PMPCA: variants seen among roughly 807,000 people sequenced by gnomAD.
The protein encoded by PMPCA is mitochondrial-processing peptidase subunit alpha.
PMPCA carries 47 observed loss-of-function variants against 59.3 expected under a neutral mutation model. The ratio of observed to expected loss-of-function variants is 0.79; its 90% CI spans 0.63 to 1.01. The LOEUF (loss-of-function observed/expected upper bound fraction) is 1.01. Ranked by LOEUF, PMPCA falls within the 50% of genes least tolerant of loss-of-function variation. The pLI is 0.00. For synonymous variants in PMPCA, 338 were observed against 290.3 expected (o/e 1.16, Z -1.67); for missense variants, 726 against 704.5 (o/e 1.03, Z -0.34).
In PMPCA at chr9:136,423,182, A is replaced by G; in HGVS notation, c.1496A>G (p.Asp499Gly). The G allele has an allele frequency of 1.2e-6, 2 of 1,613,818 alleles. No homozygotes were observed. Among genetic ancestry groups the G allele is most frequent in the Non-Finnish European group, 1.7e-6 (2 of 1,180,040 alleles). Residue 499 changes from aspartate to glycine, a missense_variant, in exon 13 of 13, where the codon GAC becomes GGC. Physicochemically the swap from Asp to Gly is moderately conservative, Grantham distance 94 (BLOSUM62 -1). Coordinates refer to ENST00000371717, the MANE Select transcript of PMPCA (RefSeq NM_015160.3). ...PAVAALGDLT[D>G]LPTYEHIQTA... ...GTGGCCGCCCTGGGTGACCTGACTG[A>G]CCTGCCCACGTATGAGCACATCCAG...
chr9:136,415,952 A>C (rs968090257), intron 5 of PMPCA: 24 of 329,264 alleles, frequency 7.3e-5, no homozygotes, highest in African/African-American at 1.1e-4. Flanking sequence ...GTTTCTAAGC[A>C]CCTTCATGTC....
At chr9:136,412,289 A>G in intron 2 of PMPCA, 90 bp downstream of exon 2, 1 of 1,007,328 alleles carries the variant, frequency 9.9e-7, no homozygotes, top group East Asian at 2.4e-5. Flanking sequence ...CATGCCAATT[A>G]TGAATTGTAC....
At chr9:136,420,759 A>G (rs1318129880) in intron 11 of PMPCA, 1 of 152,240 alleles carries the variant, frequency 6.6e-6, no homozygotes, top group African/African-American at 2.4e-5. Flanking sequence ...GTATTTGCCT[A>G]AAGTTGCAAA....
At chr9:136,412,698 T>G (rs992408603) in intron 3 of PMPCA, 112 bp from the exon 4 acceptor site, 4 of 820,028 alleles carry the variant, frequency 4.9e-6, no homozygotes, top group Non-Finnish European at 8.2e-6. Flanking sequence ...ACTTTTAAGT[T>G]AAAAGATAAT....
chr9:136,419,258 C>T (rs1234896691), intron 11 of PMPCA, 152 bp downstream of exon 11: 3 of 761,082 alleles, frequency 3.9e-6, no homozygotes, highest in Non-Finnish European at 7.1e-6. Flanking sequence ...CAAGGAGGCA[C>T]AGCCTGGGGC....
At position 136,417,965 on chromosome 9, in the gene PMPCA, G is replaced by C. The variant is rs527870788; in HGVS notation, c.898-52G>C. On this transcript the variant is annotated intron_variant, in intron 7 of 12. Coordinates refer to ENST00000371717, the MANE Select transcript of PMPCA (RefSeq NM_015160.3). Reference sequence around the variant, plus strand: ...GAAGATGATCTCATCTGGGGTTTGCGAGCCCTCATTGTTTTTCACATGGCG... The same window carrying C: ...GAAGATGATCTCATCTGGGGTTTGCCAGCCCTCATTGTTTTTCACATGGCG... The C allele has an allele frequency of 2.3e-6, 3 of 1,287,132 alleles. No individual in the cohort carries two copies. In the African/African-American group the frequency reaches 4.4e-5, roughly 19 times the overall value. The allele number at this position is 1,287,132 out of a possible 1,614,324, so 79.7% of individuals were successfully genotyped here.
intron 1 of PMPCA, chr9:136,411,114 T>C (rs1835094384): frequency 4.5e-6 from 1 of 221,940 alleles, no homozygotes; most frequent in Non-Finnish European, 8.8e-6. Context: ...GGGTCCAGGC[T>C]CTCGGTTGCT....
chr9:136,416,250 G>A (rs778279716), intron 5 of PMPCA, 41 bp from the exon 6 acceptor site: 7 of 1,421,340 alleles, frequency 4.9e-6, no homozygotes, highest in African/African-American at 1.4e-5. Context: ...CCTCATCTCT[G>A]CCTGTGCAGA....
At position 136,421,937 on chromosome 9, in the gene PMPCA, C is replaced by A; in HGVS notation, c.1369C>A (p.Arg457Ser). 6.2e-7 allele frequency: 1 copy of A among 1,612,886 alleles called. No individual in the cohort carries two copies. The highest frequency in any genetic ancestry group is 2.2e-5 in the East Asian group (1 of 44,874). Reference sequence around the variant, plus strand: ...TGTGGGGAGGCAGGTGCTGGCCACTCGCTCCAGAAAGCTGCCGCACGAGCT... The same window carrying A: ...TGTGGGGAGGCAGGTGCTGGCCACTAGCTCCAGAAAGCTGCCGCACGAGCT... ...EDVGRQVLATRSRKLPHELCT... is the reference protein window; with the variant it reads ...EDVGRQVLATSSRKLPHELCT... Residue 457 changes from arginine to serine, a missense_variant, in exon 12 of 13, where the codon CGC becomes AGC. By Grantham distance (110) the Arg-to-Ser change is moderately radical. Transcript: ENST00000371717.
intron 9 of PMPCA, 56 bp downstream of exon 9, chr9:136,418,729 T>C (rs1194965509): frequency 2.0e-6 from 3 of 1,515,226 alleles, no homozygotes; most frequent in Non-Finnish European, 2.8e-6. Flanking sequence ...AGGTGTGTTT[T>C]TGGACCATGA....
intron 11 of PMPCA, chr9:136,420,741 G>T (rs1049329730): frequency 6.6e-6 from 1 of 152,174 alleles, no homozygotes; most frequent in Non-Finnish European, 1.5e-5. Flanking sequence ...TAAATATGAA[G>T]TATTTAGGTA....
chr9:136,416,036 G>C (rs1278992058), intron 5 of PMPCA: 4 of 568,640 alleles, frequency 7.0e-6, no homozygotes, highest in Non-Finnish European at 1.2e-5. Context: ...CAGCAAGGAA[G>C]CCAGGGCTTA....
Position 136,410,698 on chromosome 9 carries a change from G to A in PMPCA, c.30G>A (p.Arg10=), listed in dbSNP as rs773702555. ...CGGCTGTGGTGCTGGCGGCGACGCG[G>A]TTGCTGCGGGGCTCGGGTTCTTGGG... MAAVVLAAT[R]LLRGSGSWGC... Residue 10 remains arginine (R), a synonymous_variant, in exon 1 of 13, where the codon CGG becomes CGA. Coordinates refer to ENST00000371717, the MANE Select transcript of PMPCA (RefSeq NM_015160.3). 1 of 1,418,342 alleles carries A rather than the reference G, an allele frequency of 7.1e-7. No homozygotes were observed. Among genetic ancestry groups the A allele is most frequent in the Admixed American group, 3.0e-5 (1 of 33,384 alleles). 87.9% of individuals were successfully genotyped at this position (1,418,342 alleles called of 1,614,324 possible).
Position 136,418,825 on chromosome 9 carries a change from C to T in PMPCA, c.1110-3C>T. On this transcript the variant is annotated splice_polypyrimidine_tract_variant and splice_region_variant and intron_variant, in intron 9 of 12. Transcript: ENST00000371717. ...CACTCCCATGACTCTCGCTTCCTCC[C>T]AGGCACCACTGGATGTATAACGCGA... 1 of 1,609,814 alleles carries T rather than the reference C, an allele frequency of 6.2e-7. No homozygotes were observed. The highest frequency in any genetic ancestry group is 8.5e-7 in the Non-Finnish European group (1 of 1,177,100).
chr9:136,418,177 C>CCCTG (rs1835337121), intron 8 of PMPCA, 68 bp downstream of exon 8: 2 of 1,133,052 alleles, frequency 1.8e-6, no homozygotes, highest in East Asian at 4.7e-5. Context: ...GCCCTGCCCT[C>CCCTG]TGTCCCTGGC....
chr9:136,412,987 G>T (rs1295227849), intron 4 of PMPCA, 95 bp downstream of exon 4: 1 of 785,142 alleles, frequency 1.3e-6, no homozygotes, highest in Non-Finnish European at 2.2e-6. Context: ...CCCAGCGGGA[G>T]GTGTGGAGAT....
At chr9:136,415,479 T>C (rs1483286121) in intron 5 of PMPCA, among the ~76,000 whole-genome samples, 1 of 152,242 alleles carries the variant, frequency 6.6e-6, no homozygotes. Context: ...TTTGAGTCCC[T>C]GTCAGGGGTG....
chr9:136,422,198 T>C (rs1482178553), intron 12 of PMPCA: 1 of 1,496,320 alleles, frequency 6.7e-7, no homozygotes, highest in African/African-American at 1.4e-5. Context: ...GCTGCCTCCT[T>C]GGCAGGTGAC....
rs1835137248 is a variant in PMPCA at position 136,412,031 on chromosome 9, G to A, written c.106G>A (p.Gly36Ser). Residue 36 changes from glycine (G) to serine (S), a missense_variant, in exon 2 of 13, where the codon GGT becomes AGT. Gly to Ser is a moderately conservative substitution (Grantham distance 56). Coordinates refer to ENST00000371717, the MANE Select transcript of PMPCA (RefSeq NM_015160.3). Reference protein sequence around the residue: ...GPPAYRRFSSGGAYPNIPLSS... With the variant: ...GPPAYRRFSSSGAYPNIPLSS... The stretch of plus-strand genomic sequence containing the variant: ...TCCTGCGTACAGACGGTTTAGTAGT[G>A]GTGGTGCCTATCCCAACATCCCCCT... The A allele has an allele frequency of 3.7e-6, 6 of 1,613,086 alleles. No homozygotes were observed. Among genetic ancestry groups the A allele is most frequent in the Non-Finnish European group, 5.1e-6 (6 of 1,179,246 alleles).
Sources: allele counts gnomAD v4.1 joint callset (sites outside exome capture counted in the v4.1 genomes callset), GRCh38; gene constraint gnomAD v4.1.1; transcripts MANE v1.5; gene names NCBI Gene and HGNC (gene_info 2026-07-23, HGNC 2026-07-21).